The following MASP1 variants were observed in gnomAD, a reference collection of about 807,000 sequenced individuals.
MASP1 encodes the protein mannan-binding lectin serine protease 1.
Under a neutral mutation model 77.1 loss-of-function variants are expected in MASP1, and 59 were observed. That is an observed-to-expected ratio of 0.77 (90% CI 0.62 to 0.95). The LOEUF (loss-of-function observed/expected upper bound fraction) is 0.95. Among genes scored for constraint, MASP1 ranks in the 40% least tolerant of loss-of-function variants. MASP1 has a pLI of 0.00. For synonymous variants in MASP1, 362 were observed against 354.5 expected, an observed-to-expected ratio of 1.02 and a Z score of -0.24; for missense variants, 885 against 912.9, an observed-to-expected ratio of 0.97 and a Z score of 0.39.
chr3:187,276,668 G>C (rs1716994330), intron 2 of MASP1: 2 of 152,144 alleles, frequency 1.3e-5, no homozygotes, highest in African/African-American at 4.8e-5. Context: ...TTGCACTTTT[G>C]GCATAAAATG....
intron 4 of MASP1, among the ~76,000 whole-genome samples, chr3:187,258,210 C>T (rs1329846881): frequency 1.3e-5 from 2 of 152,206 alleles, no homozygotes; most frequent in South Asian, 2.1e-4. Flanking sequence ...CTGATCCCCA[C>T]CCTGTTCCAC....
intron 2 of MASP1, 49 bp downstream of exon 2, chr3:187,285,775 TA>T: frequency 6.9e-7 from 1 of 1,448,814 alleles, no homozygotes; most frequent in Non-Finnish European, 9.7e-7. Flanking sequence ...TTGCCTTGTC[TA>T]AATCCCAGAA....
At chr3:187,286,200 C>T (rs1717845534) in intron 1 of MASP1, 144 bp from the exon 2 acceptor site, 3 of 710,584 alleles carry the variant, frequency 4.2e-6, no homozygotes, top group East Asian at 2.7e-5. Flanking sequence ...ACCTTGCCTC[C>T]TCAGTCTGTA....
At chr3:187,239,187 TAAAAA>T (rs4012004) in intron 10 of MASP1, among the ~76,000 whole-genome samples, 6 of 123,228 alleles carry the variant, frequency 4.9e-5, no homozygotes, top group African/African-American at 1.5e-4. Context: ...TACTAAAAAT[TAAAAA>T]AAAAAAAAAA....
At chr3:187,260,713 A>C in intron 4 of MASP1, 28 bp downstream of exon 4, 1 of 1,614,114 alleles carries the variant, frequency 6.2e-7, no homozygotes, top group Non-Finnish European at 8.5e-7. Flanking sequence ...CTATAAGGGC[A>C]ATGCATACAA....
chr3:187,263,414 C>T (rs542189345), intron 2 of MASP1, among the ~76,000 whole-genome samples: 1 of 152,102 alleles, frequency 6.6e-6, no homozygotes, highest in Admixed American at 6.5e-5. Flanking sequence ...CATTTGTTTA[C>T]AAGAACTGAA....
intron 6 of MASP1, 92 bp downstream of exon 6, chr3:187,253,076 G>C (rs915292234): frequency 7.5e-5 from 117 of 1,554,864 alleles, no homozygotes; most frequent in Middle Eastern, 2.3e-4. Flanking sequence ...GTCTCCAGAG[G>C]AGATCCAAGC....
chr3:187,245,795 T>C lies in MASP1; in HGVS notation c.1091-2174A>G, dbSNP rs186339298. Among the ~76,000 whole-genome samples the C allele has an allele frequency of 1.8e-3, 277 of 152,296 alleles. 3 individuals are homozygous for C. The highest frequency in any genetic ancestry group is 6.4e-3 in the African/African-American group (265 of 41,560). On this transcript the variant is annotated intron_variant, in intron 8 of 10. Coordinates refer to ENST00000296280, the MANE Select transcript of MASP1 (RefSeq NM_139125.4). Reference sequence around the variant, plus strand: ...TCTGGAATCAAAACACCCTTCTCTTTCCCCTTGCCTTGGAGGTACCGCCCA... The same window carrying C: ...TCTGGAATCAAAACACCCTTCTCTTCCCCCTTGCCTTGGAGGTACCGCCCA...
intron 2 of MASP1, among the ~76,000 whole-genome samples, chr3:187,275,219 C>A (rs1716867206): frequency 6.6e-6 from 1 of 152,162 alleles, no homozygotes; most frequent in African/African-American, 2.4e-5. Context: ...AGCTGCGTGG[C>A]TCCAGGTGTG....
chr3:187,269,800 A>G (rs2108579409), intron 2 of MASP1, among the ~76,000 whole-genome samples: 1 of 152,298 alleles, frequency 6.6e-6, no homozygotes. Context: ...GATATTGAGC[A>G]TGTGGAGAGC....
intron 2 of MASP1, among the ~76,000 whole-genome samples, chr3:187,265,443 A>C (rs1715936928): frequency 6.6e-6 from 1 of 152,224 alleles, no homozygotes; most frequent in Admixed American, 6.5e-5. Flanking sequence ...ATAAATGGTT[A>C]TCACCTGCAG....
At chr3:187,240,822 G>T (rs1334285084) in intron 10 of MASP1, among the ~76,000 whole-genome samples, 2 of 152,082 alleles carry the variant, frequency 1.3e-5, no homozygotes. Context: ...TTTTAGTATA[G>T]ATGGGGTTCC....
chr3:187,233,852 G>C (rs876650), downstream of MASP1, among the ~76,000 whole-genome samples: 4,662 of 152,290 alleles, frequency 0.031, 113 homozygotes, highest in South Asian at 0.062. Flanking sequence ...TGAAGACAAG[G>C]ACTTAAATGG....
At chr3:187,283,629 C>T (rs1717610060) in intron 2 of MASP1, among the ~76,000 whole-genome samples, 1 of 152,106 alleles carries the variant, frequency 6.6e-6, no homozygotes, top group Admixed American at 6.6e-5. Context: ...TGATCTTGAG[C>T]CTCAGGTACC....
In MASP1 at chr3:187,234,643, C is replaced by T. The variant is rs1450001341; in HGVS notation, c.*1041G>A. The T allele has an allele frequency of 7.8e-7, 1 of 1,287,168 alleles. No individual in the cohort carries two copies. Among genetic ancestry groups the T allele is most frequent in the South Asian group, 1.2e-5 (1 of 80,932 alleles). 79.7% of individuals were successfully genotyped at this position (1,287,168 alleles called of 1,614,324 possible). On this transcript the variant is annotated 3_prime_UTR_variant, in exon 11 of 11. Coordinates refer to ENST00000296280, the MANE Select transcript of MASP1 (RefSeq NM_139125.4). The stretch of plus-strand genomic sequence containing the variant: ...ACATCCTGCGGGGTGGATTCTCCGC[C>T]CAGCTCATGCCCCAGGGATGCCAGG...
chr3:187,234,494 T>C lies in MASP1; in HGVS notation c.*1190A>G. 5.4e-6 allele frequency: 7 copies of C among 1,286,062 alleles called. No individual in the cohort carries two copies. Among genetic ancestry groups the C allele is most frequent in the Non-Finnish European group, 7.1e-6 (7 of 987,638 alleles). 79.7% of individuals were successfully genotyped at this position (1,286,062 alleles called of 1,614,324 possible). On this transcript the variant is annotated 3_prime_UTR_variant, in exon 11 of 11. Transcript: ENST00000296280. The stretch of plus-strand genomic sequence containing the variant: ...GACAAAGAAAATGATTTTTCAAAGG[T>C]TATACAGCCAGTTGGGGGCAGAGCA...
chr3:187,287,339 C>CTACTTATCCTCCACTGTCT (rs1424048127), intron 1 of MASP1, among the ~76,000 whole-genome samples: 1 of 152,178 alleles, frequency 6.6e-6, no homozygotes, highest in Non-Finnish European at 1.5e-5. Flanking sequence ...CACTCCTCAC[C>CTACTTATCCTCCACTGTCT]TACTTATCCT....
intron 2 of MASP1, among the ~76,000 whole-genome samples, chr3:187,276,120 C>T (rs144819874): frequency 5.7e-4 from 67 of 117,434 alleles, no homozygotes; most frequent in Middle Eastern, 7.9e-3. Flanking sequence ...GGTAGCCCCC[C>T]CAACAAGAAA....
chr3:187,268,549 T>TA (rs1553781392), intron 2 of MASP1, among the ~76,000 whole-genome samples: 1 of 137,348 alleles, frequency 7.3e-6, no homozygotes, highest in Non-Finnish European at 1.5e-5. Context: ...GAAAAGAAAA[T>TA]AGAAAAGAAA....
Sources: gnomAD v4.1 joint callset for allele counts (sites outside exome capture counted in the v4.1 genomes callset) on GRCh38, gnomAD v4.1.1 for gene constraint, MANE v1.5 for transcripts, NCBI Gene and HGNC (gene_info 2026-07-23, HGNC 2026-07-21) for gene names.